The following LRCH1 variants were observed in gnomAD, a reference collection of about 807,000 sequenced individuals.
The protein encoded by LRCH1 is leucine-rich repeat and calponin homology domain-containing protein 1.
Under a neutral mutation model 94.9 loss-of-function variants are expected in LRCH1, and 23 were observed. The ratio of observed to expected loss-of-function variants is 0.24; its 90% confidence interval spans 0.17 to 0.34. LRCH1 has a LOEUF of 0.34. Among genes scored for constraint, LRCH1 ranks in the 10% least tolerant of loss-of-function variants. The probability of loss-of-function intolerance (pLI) is 1.00; values close to 1 mark genes in which losing one functional copy is unlikely to be tolerated. For synonymous variants in LRCH1, 364 were observed against 354.9 expected (o/e 1.03, Z -0.29); for missense variants, 790 against 945.9 (o/e 0.84, Z 2.16).
Position 46,706,830 on chromosome 13 carries a change from C to T in LRCH1, c.1527+1526C>T, listed in dbSNP as rs112474698. On this transcript the variant is annotated intron_variant, in intron 13 of 19. Transcript: ENST00000389797. ...CTTGTAAAATTAGATTTACTAGTAA[C>T]ATTTTATCACATTTGTTATATTTGT... Among the ~76,000 whole-genome samples, 194 of 152,250 alleles carry T rather than the reference C, an allele frequency of 1.3e-3. 1 individual carries two copies. The highest frequency in any genetic ancestry group is 4.8e-3 in the South Asian group (23 of 4,814).
chr13:46,699,377 G>C lies in LRCH1; in HGVS notation c.1287G>C (p.Glu429Asp). The C allele has an allele frequency of 6.2e-7, 1 of 1,614,132 alleles. No homozygotes were observed. Among genetic ancestry groups the C allele is most frequent in the South Asian group, 1.1e-5 (1 of 91,084 alleles). The change falls in exon 10 of 20, where the codon GAG becomes GAC. Residue 429 changes from glutamate to aspartate, a missense_variant. By Grantham distance (45) the Glu-to-Asp change is conservative (BLOSUM62 2). This residue lies in a region of LRCH1 where 460 missense variants were observed against 508.9 expected (regional missense o/e 0.90). Coordinates refer to ENST00000389797, the MANE Select transcript of LRCH1 (RefSeq NM_001164211.2). ...EDCEELLRIEEDVHWQTEGII... is the reference protein window; with the variant it reads ...EDCEELLRIEDDVHWQTEGII... ...GTGAAGAGCTGTTACGGATAGAAGA[G>C]GATGTGCACTGGCAAACTGAGGGCA... is the stretch of plus-strand genomic sequence containing the variant.
intron 16 of LRCH1, among the ~76,000 whole-genome samples, chr13:46,718,382 A>T (rs1367458903): frequency 6.6e-6 from 1 of 152,240 alleles, no homozygotes; most frequent in Admixed American, 6.5e-5. Flanking sequence ...AACTGAGGAT[A>T]TAAGAGGCTT....
chr13:46,639,254 C>G (rs888626810), intron 1 of LRCH1, among the ~76,000 whole-genome samples: 40 of 152,134 alleles, frequency 2.6e-4, no homozygotes, highest in African/African-American at 8.9e-4. Flanking sequence ...TTTTCTGTCT[C>G]CCTGTAGAGA....
At position 46,743,168 on chromosome 13, in the gene LRCH1, C is replaced by T; in HGVS notation, c.*1320C>T. On this transcript the variant is annotated 3_prime_UTR_variant, in exon 20 of 20. Coordinates refer to ENST00000389797, the MANE Select transcript of LRCH1 (RefSeq NM_001164211.2). ...GACTTAGCTTCCTCAAGATAAATTT[C>T]TAGTTTATTAAGATGCAAACAGCTC... 1.0e-6 allele frequency: 1 copy of T among 985,602 alleles called. No homozygotes were observed. Among genetic ancestry groups the T allele is most frequent in the Non-Finnish European group, 1.2e-6 (1 of 829,856 alleles). 61.1% of individuals were successfully genotyped at this position (985,602 alleles called of 1,614,324 possible).
intron 18 of LRCH1, 53 bp from the exon 19 acceptor site, chr13:46,733,867 TA>T: frequency 9.0e-7 from 1 of 1,106,062 alleles, no homozygotes; most frequent in Non-Finnish European, 1.3e-6. Flanking sequence ...AACATGTTAT[TA>T]AAATGGTTTC....
intron 6 of LRCH1, among the ~76,000 whole-genome samples, chr13:46,688,595 C>T (rs1387991829): frequency 6.6e-6 from 1 of 152,144 alleles, no homozygotes; most frequent in African/African-American, 2.4e-5. Context: ...AAGAAGTCTT[C>T]ACTGCAGAAA....
chr13:46,688,066 T>G, intron 6 of LRCH1, 87 bp downstream of exon 6: 2 of 1,352,870 alleles, frequency 1.5e-6, no homozygotes, highest in Non-Finnish European at 9.9e-7. Context: ...TCTGTTTGTT[T>G]TAAGTCACCA....
intron 1 of LRCH1, 118 bp from the exon 2 acceptor site, chr13:46,650,083 A>G (rs1594314632): frequency 3.0e-6 from 2 of 659,924 alleles, no homozygotes; most frequent in East Asian, 6.0e-5. Context: ...AGGTGCAAAA[A>G]AAAATGATAA....
chr13:46,663,263 C>G (rs1053911889), intron 2 of LRCH1, among the ~76,000 whole-genome samples: 5 of 152,164 alleles, frequency 3.3e-5, no homozygotes, highest in Admixed American at 6.5e-5. Flanking sequence ...AAGATAGTCT[C>G]TATTTGATTT....
intron 1 of LRCH1, among the ~76,000 whole-genome samples, chr13:46,589,071 A>G (rs923693271): frequency 2.0e-5 from 3 of 149,680 alleles, no homozygotes; most frequent in African/African-American, 7.4e-5. Context: ...GGGTCTCACT[A>G]TGTCACCCAG....
chr13:46,668,882 T>G (rs1271004528), intron 2 of LRCH1, 148 bp from the exon 3 acceptor site: 6 of 671,478 alleles, frequency 8.9e-6, no homozygotes, highest in African/African-American at 3.5e-5. Flanking sequence ...GTCATTTGAG[T>G]TGTCACACAG....
At chr13:46,622,193 T>C (rs1002875159) in intron 1 of LRCH1, among the ~76,000 whole-genome samples, 4 of 59,682 alleles carry the variant, frequency 6.7e-5, no homozygotes, top group Non-Finnish European at 1.0e-4. Context: ...TATGGGTTTT[T>C]TTTTTTTTTC....
intron 1 of LRCH1, among the ~76,000 whole-genome samples, chr13:46,625,577 A>T (rs999307982): frequency 1.2e-4 from 18 of 147,286 alleles, no homozygotes; most frequent in African/African-American, 4.3e-4. Context: ...TTGAGCCCGG[A>T]CTCCTTGAGC....
In LRCH1 at chr13:46,694,114, G is replaced by T. The variant is rs1164031353; in HGVS notation, c.1121-779G>T. Among the ~76,000 whole-genome samples, 4 of 152,158 alleles carry T rather than the reference G, an allele frequency of 2.6e-5. No individual in the cohort carries two copies. In the East Asian group the frequency reaches 5.8e-4, roughly 22 times the overall value. Reference sequence around the variant, plus strand: ...TATAAAGTTAGTAATATTATACACTGTAGGAGGTAGTATTTTAGGCAAATT... The same window carrying T: ...TATAAAGTTAGTAATATTATACACTTTAGGAGGTAGTATTTTAGGCAAATT... On this transcript the variant is annotated intron_variant, in intron 8 of 19. Transcript: ENST00000389797.
At chr13:46,580,578 C>T (rs914876011) in intron 1 of LRCH1, among the ~76,000 whole-genome samples, 2 of 152,202 alleles carry the variant, frequency 1.3e-5, no homozygotes, top group African/African-American at 4.8e-5. Flanking sequence ...CTCTAAGACT[C>T]GTAAGCCACC....
intron 19 of LRCH1, among the ~76,000 whole-genome samples, chr13:46,740,425 A>G (rs537750261): frequency 4.6e-4 from 70 of 152,360 alleles, no homozygotes; most frequent in African/African-American, 1.6e-3. Context: ...TAGTATTCCT[A>G]CTTAACTGAG....
At chr13:46,695,853 G>C (rs1199130312) in intron 9 of LRCH1, among the ~76,000 whole-genome samples, 2 of 152,084 alleles carry the variant, frequency 1.3e-5, no homozygotes, top group Non-Finnish European at 2.9e-5. Context: ...GAAATGGAGA[G>C]GAAAACAGCT....
intron 19 of LRCH1, among the ~76,000 whole-genome samples, chr13:46,738,189 G>C (rs1873481238): frequency 6.6e-6 from 1 of 152,202 alleles, no homozygotes; most frequent in South Asian, 2.1e-4. Context: ...TTCAGCTTAG[G>C]GCTCCTTCCT....
chr13:46,709,997 A>T (rs1566241904), intron 13 of LRCH1, among the ~76,000 whole-genome samples: 1 of 152,212 alleles, frequency 6.6e-6, no homozygotes, highest in South Asian at 2.1e-4. Flanking sequence ...GTCTCATTCA[A>T]GCAGAAAGTA....
Sources: allele counts gnomAD v4.1 joint callset (sites outside exome capture counted in the v4.1 genomes callset), GRCh38; gene constraint gnomAD v4.1.1; regional missense constraint gnomAD v4.1.1; transcripts MANE v1.5; gene names NCBI Gene and HGNC (gene_info 2026-07-23, HGNC 2026-07-21).